Variants in CREB3L2 observed in about 807,000 individuals in gnomAD.
The protein encoded by CREB3L2 is cyclic AMP-responsive element-binding protein 3-like protein 2.
In CREB3L2, 23 loss-of-function variants were observed where a neutral mutation model predicts 57.2. The observed-to-expected ratio is 0.40, with a 90% CI of 0.29 to 0.57. The LOEUF is 0.57. Among genes scored for constraint, CREB3L2 ranks in the 20% least tolerant of loss-of-function variants. The pLI is 0.42. For missense variants in CREB3L2, 628 were observed against 634.7 expected (o/e 0.99, Z 0.11); for synonymous variants, 268 against 265.1 (o/e 1.01, Z -0.11).
At position 137,986,710 on chromosome 7, in the gene CREB3L2, C is replaced by T. The variant is rs1430871475; in HGVS notation, c.102+14894G>A. 2.0e-5 allele frequency among the ~76,000 whole-genome samples: 3 copies of T among 152,186 alleles called. No individual in the cohort carries two copies. In the East Asian group the frequency reaches 5.8e-4, roughly 29 times the overall value. On this transcript the variant is annotated intron_variant, in intron 1 of 11. Transcript: ENST00000330387. The stretch of plus-strand genomic sequence containing the variant: ...GGGTGGGAATAAGAAGCTGAAACTT[C>T]CTCATGCTCCATCTACCCAGCCATC...
chr7:137,966,542 AAAG>A (rs773745316), intron 1 of CREB3L2, among the ~76,000 whole-genome samples: 12 of 152,248 alleles, frequency 7.9e-5, no homozygotes, highest in East Asian at 1.9e-4. Context: ...CTTTTGGATA[AAAG>A]AAGAAGATTA....
intron 1 of CREB3L2, among the ~76,000 whole-genome samples, chr7:137,995,595 A>C (rs775582887): frequency 8.6e-5 from 13 of 151,824 alleles, no homozygotes; most frequent in Non-Finnish European, 2.9e-5. Context: ...GGCCCCCCAA[A>C]GTGCTGGGAT....
In CREB3L2 at chr7:137,930,165, G is replaced by A. The variant is rs543853107; in HGVS notation, c.103-1799C>T. 2.0e-3 allele frequency among the ~76,000 whole-genome samples: 310 copies of A among 152,118 alleles called. 1 individual carries two copies. Among genetic ancestry groups the A allele is most frequent in the Non-Finnish European group, 3.7e-3 (254 of 68,002 alleles). ...GCCCGTCTTGGCCTCCCAAAGTGCT[G>A]GGATTACAGGCGTGAGCCACTGTGC... On this transcript the variant is annotated intron_variant, in intron 1 of 11. Transcript: ENST00000330387.
At chr7:137,896,924 G>A (rs1186184224) in intron 8 of CREB3L2, among the ~76,000 whole-genome samples, 2 of 152,168 alleles carry the variant, frequency 1.3e-5, no homozygotes, top group Admixed American at 1.3e-4. Flanking sequence ...CAAACTCACA[G>A]AAACAAGAGA....
chr7:137,906,893 G>A (rs1016516755), intron 5 of CREB3L2, among the ~76,000 whole-genome samples: 6 of 152,186 alleles, frequency 3.9e-5, no homozygotes, highest in South Asian at 2.1e-4. Flanking sequence ...CCCTAGCCAC[G>A]TGGAACTGTA....
At chr7:137,891,945 G>A (rs919693294) in intron 8 of CREB3L2, among the ~76,000 whole-genome samples, 2 of 152,096 alleles carry the variant, frequency 1.3e-5, no homozygotes, top group African/African-American at 2.4e-5. Context: ...TGGTGTGTGC[G>A]GGTGCACATA....
rs1300445623 is a variant in CREB3L2 at position 137,885,072 on chromosome 7, T to C, written c.1193A>G (p.Tyr398Cys). ...CTTGGTGGCAGAAGGATAGGGCCCGTAGCCTTGAAAGAAGCTGCCGAATGC... is the reference window on the plus strand; with the variant it reads ...CTTGGTGGCAGAAGGATAGGGCCCGCAGCCTTGAAAGAAGCTGCCGAATGC... ...AVAFGSFFQG[Y>C]GPYPSATKMA... The change falls in exon 10 of 12, where the codon TAC becomes TGC. Residue 398 changes from tyrosine (Y) to cysteine (C), a missense_variant. Transcript: ENST00000330387. 4 of 1,614,080 alleles carry C rather than the reference T, an allele frequency of 2.5e-6. No individual in the cohort carries two copies. The highest frequency in any genetic ancestry group is 3.4e-6 in the Non-Finnish European group (4 of 1,179,994).
At chr7:137,931,303 A>G (rs894524630) in intron 1 of CREB3L2, among the ~76,000 whole-genome samples, 2 of 151,790 alleles carry the variant, frequency 1.3e-5, no homozygotes, top group African/African-American at 4.8e-5. Flanking sequence ...TGGGCGGATC[A>G]TGAGGTCAGG....
At chr7:137,905,637 G>T in intron 6 of CREB3L2, 65 bp downstream of exon 6, 1 of 1,554,582 alleles carries the variant, frequency 6.4e-7, no homozygotes, top group Non-Finnish European at 8.9e-7. Flanking sequence ...GGAAGGCAGG[G>T]AAAGGGATGC....
intron 1 of CREB3L2, among the ~76,000 whole-genome samples, chr7:137,932,891 G>A (rs2117247774): frequency 6.6e-6 from 1 of 152,320 alleles, no homozygotes; most frequent in African/African-American, 2.4e-5. Context: ...AGTTTTATGT[G>A]CAGATAAATT....
At chr7:137,931,632 G>A (rs189303079) in intron 1 of CREB3L2, among the ~76,000 whole-genome samples, 106 of 151,900 alleles carry the variant, frequency 7.0e-4, no homozygotes, top group Middle Eastern at 3.4e-3. Context: ...AGGAGTTCGA[G>A]GCTGGCCTGG....
At chr7:137,976,705 T>C (rs1434374690) in intron 1 of CREB3L2, among the ~76,000 whole-genome samples, 2 of 152,246 alleles carry the variant, frequency 1.3e-5, no homozygotes, top group Non-Finnish European at 2.9e-5. Context: ...TAAAAAATCT[T>C]ATGCCCCACC....
chr7:137,971,703 T>C (rs1232232550), intron 1 of CREB3L2, among the ~76,000 whole-genome samples: 2 of 151,954 alleles, frequency 1.3e-5, no homozygotes, highest in African/African-American at 4.8e-5. Context: ...CCAGGGTCTG[T>C]TTTCTAATGT....
At chr7:137,892,405 CT>C (rs1368002185) in intron 8 of CREB3L2, among the ~76,000 whole-genome samples, 1 of 151,288 alleles carries the variant, frequency 6.6e-6, no homozygotes, top group African/African-American at 2.4e-5. Flanking sequence ...AATCCCACTA[CT>C]TTGGGAGGCT....
intron 1 of CREB3L2, among the ~76,000 whole-genome samples, chr7:137,983,711 C>T (rs1801747618): frequency 6.6e-6 from 1 of 152,202 alleles, no homozygotes; most frequent in African/African-American, 2.4e-5. Flanking sequence ...CTTCATTGTT[C>T]GCATACCTCT....
chr7:137,946,914 A>C (rs1220821345), intron 1 of CREB3L2, among the ~76,000 whole-genome samples: 3,648 of 50,974 alleles, frequency 0.072, 819 homozygotes, highest in Admixed American at 0.18. Context: ...ATATATAGTT[A>C]TATATATAGT....
chr7:137,917,174 G>C (rs1800157114), intron 2 of CREB3L2, among the ~76,000 whole-genome samples: 1 of 152,188 alleles, frequency 6.6e-6, no homozygotes, highest in Non-Finnish European at 1.5e-5. Flanking sequence ...CACCAGGCCT[G>C]GAGATAGCTA....
intron 7 of CREB3L2, among the ~76,000 whole-genome samples, chr7:137,901,952 G>T (rs1454562363): frequency 6.6e-6 from 1 of 150,688 alleles, no homozygotes; most frequent in African/African-American, 2.4e-5. Flanking sequence ...CCAGTAATTT[G>T]GGAGGCTGAG....
chr7:137,930,012 G>T (rs1310959588), intron 1 of CREB3L2, among the ~76,000 whole-genome samples: 1 of 151,556 alleles, frequency 6.6e-6, no homozygotes, highest in Non-Finnish European at 1.5e-5. Context: ...TCCTGTCTCA[G>T]CCTCCTGAGT....
Sources: allele counts gnomAD v4.1 joint callset (sites outside exome capture counted in the v4.1 genomes callset), GRCh38; gene constraint gnomAD v4.1.1; transcripts MANE v1.5; gene names NCBI Gene and HGNC (gene_info 2026-07-23, HGNC 2026-07-21).